The following GRIP1 variants were observed in gnomAD, a reference collection of about 807,000 sequenced individuals.
GRIP1 encodes the protein glutamate receptor-interacting protein 1.
In GRIP1, 45 loss-of-function variants were observed where a neutral mutation model predicts 129.9. The ratio of observed to expected loss-of-function variants is 0.35; its 90% CI spans 0.27 to 0.44. The LOEUF (loss-of-function observed/expected upper bound fraction) is 0.44. Ranked by LOEUF, GRIP1 falls within the 20% of genes least tolerant of loss-of-function variation. GRIP1 has a pLI of 1.00. For missense variants in GRIP1, 1,196 were observed against 1,396.8 expected, an observed-to-expected ratio of 0.86 and a Z score of 2.29; for synonymous variants, 530 against 520.8, an observed-to-expected ratio of 1.02 and a Z score of -0.24.
At position 66,541,863 on chromosome 12, in the gene GRIP1, T is replaced by C. The variant is rs914469609; in HGVS notation, c.224A>G (p.Asp75Gly). 2 of 1,614,110 alleles carry C rather than the reference T, an allele frequency of 1.2e-6. No individual in the cohort carries two copies. Among genetic ancestry groups the C allele is most frequent in the South Asian group, 2.2e-5 (2 of 91,078 alleles). ...CAGATTAGATACTCTTGGCTTGCCA[T>C]CCTTATCAATTCCTCCCGATACCGT... is the stretch of plus-strand genomic sequence containing the variant. The part of the protein sequence containing the change: ...GLTVSGGIDK[D>G]GKPRVSNLRQ... The change falls in exon 3 of 25, where the codon GAT becomes GGT. Residue 75 changes from aspartate to glycine, a missense_variant. Coordinates refer to ENST00000359742, the MANE Select transcript of GRIP1 (RefSeq NM_001366722.1).
intron 2 of GRIP1, among the ~76,000 whole-genome samples, chr12:66,556,755 A>C (rs2062347616): frequency 6.6e-6 from 1 of 152,146 alleles, no homozygotes; most frequent in Admixed American, 6.6e-5. Flanking sequence ...AGTTGTCATC[A>C]GTTTAAAATA....
intron 1 of GRIP1, among the ~76,000 whole-genome samples, chr12:66,954,607 A>G (rs1754770267): frequency 6.6e-6 from 1 of 152,208 alleles, no homozygotes; most frequent in South Asian, 2.1e-4. Flanking sequence ...AAAAGTGCCT[A>G]AAGAATAATT....
intron 23 of GRIP1, among the ~76,000 whole-genome samples, chr12:66,357,969 T>C (rs890901555): frequency 1.3e-5 from 2 of 152,150 alleles, no homozygotes; most frequent in East Asian, 1.9e-4. Flanking sequence ...TCTCGGCTCA[T>C]TGAAACCTCC....
chr12:66,384,606 G>A (rs2056271954), intron 19 of GRIP1, among the ~76,000 whole-genome samples: 1 of 152,182 alleles, frequency 6.6e-6, no homozygotes, highest in African/African-American at 2.4e-5. Context: ...GTTTAAGGGA[G>A]TGGCATGACT....
At chr12:66,427,804 C>G (rs997876409) in intron 14 of GRIP1, among the ~76,000 whole-genome samples, 1 of 152,094 alleles carries the variant, frequency 6.6e-6, no homozygotes, top group Non-Finnish European at 1.5e-5. Flanking sequence ...TTTGCGGATC[C>G]TAAGTTTTTA....
intron 16 of GRIP1, 36 bp from the exon 17 acceptor site, chr12:66,394,388 T>G: frequency 6.3e-7 from 1 of 1,599,802 alleles, no homozygotes; most frequent in Non-Finnish European, 8.6e-7. Flanking sequence ...ATTGATTTCT[T>G]TGGAAAAAGC....
rs188802914 is a variant in GRIP1, at chr12:66,871,218, T to G, written c.58+197832A>C. The stretch of plus-strand genomic sequence containing the variant: ...AGACTGTTGAAGGATTAGGCAATGC[T>G]GCGATTTTCTTGCCTGTTTCTACTT... On this transcript the variant is annotated intron_variant, in intron 1 of 1. Transcript: ENST00000643019. Among the ~76,000 whole-genome samples the G allele has an allele frequency of 5.9e-5, 9 of 152,248 alleles. No individual in the cohort carries two copies. In the South Asian group the frequency reaches 6.2e-4, roughly 11 times the overall value.
chr12:67,040,641 A>C (rs954258956), intron 1 of GRIP1, among the ~76,000 whole-genome samples: 21 of 152,282 alleles, frequency 1.4e-4, no homozygotes, highest in Admixed American at 3.3e-4. Flanking sequence ...TGGGTAACAA[A>C]TCCACTTCAT....
intron 1 of GRIP1, among the ~76,000 whole-genome samples, chr12:66,724,246 G>A (rs1171062617): frequency 6.6e-6 from 1 of 152,174 alleles, no homozygotes; most frequent in Non-Finnish European, 1.5e-5. Flanking sequence ...ATATCAGCAT[G>A]CTTTTCAGCA....
chr12:66,694,390 G>T (rs1044195110), intron 1 of GRIP1, among the ~76,000 whole-genome samples: 1 of 152,074 alleles, frequency 6.6e-6, no homozygotes, highest in African/African-American at 2.4e-5. Flanking sequence ...GAAACAGAGA[G>T]TTTCCACATA....
chr12:66,438,750 C>G (rs1004131005), intron 13 of GRIP1, among the ~76,000 whole-genome samples: 3 of 152,144 alleles, frequency 2.0e-5, no homozygotes, highest in Non-Finnish European at 4.4e-5. Flanking sequence ...CCCGCCTTGG[C>G]CTCCCAAAGT....
At chr12:66,865,986 G>A (rs1421979833) in intron 1 of GRIP1, among the ~76,000 whole-genome samples, 1 of 152,094 alleles carries the variant, frequency 6.6e-6, no homozygotes, top group Admixed American at 6.6e-5. Flanking sequence ...AGGGGTCTGT[G>A]TAAAGCAAGA....
rs113663904 is a variant in GRIP1, at chr12:66,917,411, G to A, written c.58+151639C>T. ...TCAATCCAGGAATGAACTGCTGATTGCCAGAGATAGAGAGAAAAAGCCTTA... is the reference window on the plus strand; with the variant it reads ...TCAATCCAGGAATGAACTGCTGATTACCAGAGATAGAGAGAAAAAGCCTTA... On this transcript the variant is annotated intron_variant, in intron 1 of 1. Transcript: ENST00000643019. 3.1e-3 allele frequency among the ~76,000 whole-genome samples: 479 copies of A among 152,288 alleles called. 1 individual carries two copies. The highest frequency in any genetic ancestry group is 0.011 in the African/African-American group (457 of 41,560).
In GRIP1 at chr12:67,055,678, C is replaced by T. The variant is rs77548975; in HGVS notation, c.58+13372G>A. ...ATACAAGTACAAATTCCTTTAGTGG[C>T]CTCTGAAAAACTAGTATGCACTCAT... On this transcript the variant is annotated intron_variant, in intron 1 of 1. Coordinates refer to the GRIP1 transcript ENST00000643019. Among the ~76,000 whole-genome samples, 1,466 of 152,224 alleles carry T rather than the reference C, an allele frequency of 9.6e-3. 21 individuals are homozygous for T. The highest frequency in any genetic ancestry group is 0.033 in the African/African-American group (1,383 of 41,506).
chr12:66,789,972 T>C (rs2038477702), intron 1 of GRIP1, among the ~76,000 whole-genome samples: 2 of 152,186 alleles, frequency 1.3e-5, no homozygotes, highest in Admixed American at 1.3e-4. Flanking sequence ...TAGAATCCAT[T>C]AAATGTTATC....
chr12:66,466,862 T>G (rs2059301164), intron 7 of GRIP1, among the ~76,000 whole-genome samples: 1 of 152,166 alleles, frequency 6.6e-6, no homozygotes, highest in Non-Finnish European at 1.5e-5. Flanking sequence ...AGAACATCTT[T>G]GTCATCAAGG....
chr12:66,738,988 TGACTTG>T (rs1476206653), intron 1 of GRIP1, among the ~76,000 whole-genome samples: 5 of 152,194 alleles, frequency 3.3e-5, no homozygotes, highest in Non-Finnish European at 7.3e-5. Flanking sequence ...CTTTGATCCT[TGACTTG>T]GAGAGCCTTA....
chr12:67,066,301 G>C (rs1447258653), intron 1 of GRIP1, among the ~76,000 whole-genome samples: 1 of 152,102 alleles, frequency 6.6e-6, no homozygotes, highest in Non-Finnish European at 1.5e-5. Context: ...ATTGAGATTG[G>C]CATGTTTTTC....
intron 1 of GRIP1, among the ~76,000 whole-genome samples, chr12:66,946,895 T>C (rs2041679721): frequency 2.7e-5 from 4 of 150,914 alleles, no homozygotes; most frequent in Admixed American, 2.0e-4. Context: ...TAAAAAAAAA[T>C]TAGCCAGGCG....
Sources: gnomAD v4.1 joint callset for allele counts (sites outside exome capture counted in the v4.1 genomes callset) on GRCh38, gnomAD v4.1.1 for gene constraint, MANE v1.5 for transcripts, NCBI Gene and HGNC (gene_info 2026-07-23, HGNC 2026-07-21) for gene names.